The following SMC3 variants were observed in gnomAD, a reference collection of about 807,000 sequenced individuals.
SMC3 encodes structural maintenance of chromosomes 3.
In SMC3, 20 loss-of-function variants were observed where a neutral mutation model predicts 171.8. The observed-to-expected ratio is 0.12, with a 90% confidence interval of 0.08 to 0.17. The LOEUF (loss-of-function observed/expected upper bound fraction) is 0.17, where lower values mean the gene tolerates loss of function less well. SMC3 is among the 10% of genes least tolerant of loss of function. SMC3 has a pLI of 1.00. For synonymous variants in SMC3, 464 were observed against 451.1 expected, an observed-to-expected ratio of 1.03 and a Z score of -0.36; for missense variants, 543 against 1,420.4, an observed-to-expected ratio of 0.38 and a Z score of 9.93.
In SMC3 at chr10:110,581,981, T is replaced by C; in HGVS notation, c.606T>C (p.Thr202=). ...AATACATTGAAGAGAGATTACATAC[T>C]CTAGAGGAAGAAAAGGAAGAACTAG... ...LLKYIEERLH[T]LEEEKEELAQ... The change falls in exon 9 of 29, where the codon ACT becomes ACC. Residue 202 remains threonine (T), a synonymous_variant. Transcript: ENST00000361804. The C allele has an allele frequency of 6.2e-7, 1 of 1,613,524 alleles. No homozygotes were observed. The highest frequency in any genetic ancestry group is 1.1e-5 in the South Asian group (1 of 91,064).
intron 22 of SMC3, among the ~76,000 whole-genome samples, chr10:110,600,751 T>A (rs1250448837): frequency 6.6e-6 from 1 of 152,184 alleles, no homozygotes; most frequent in Non-Finnish European, 1.5e-5. Flanking sequence ...CTTGTGTGAA[T>A]TAAGCATTAT....
intron 23 of SMC3, among the ~76,000 whole-genome samples, chr10:110,601,345 C>G (rs773157184): frequency 8.5e-5 from 13 of 152,114 alleles, no homozygotes; most frequent in Non-Finnish European, 1.3e-4. Flanking sequence ...ATAAATGATT[C>G]ATTTTGTTGA....
At chr10:110,593,365 A>G in intron 18 of SMC3, 142 bp downstream of exon 18, 1 of 763,104 alleles carries the variant, frequency 1.3e-6, no homozygotes, top group East Asian at 2.8e-5. Flanking sequence ...TGAAGTCAGG[A>G]GTTCAAGACC....
chr10:110,598,333 T>C (rs761887753), intron 20 of SMC3, 43 bp downstream of exon 20: 1 of 1,562,122 alleles, frequency 6.4e-7, no homozygotes, highest in Non-Finnish European at 8.8e-7. Context: ...TGTTACAGAT[T>C]AATAATATGG....
intron 20 of SMC3, 116 bp downstream of exon 20, chr10:110,598,406 C>A: frequency 8.5e-7 from 1 of 1,181,072 alleles, no homozygotes; most frequent in Non-Finnish European, 1.2e-6. Flanking sequence ...TGTTTGGACC[C>A]ATACTTTTTT....
intron 18 of SMC3, 151 bp downstream of exon 18, chr10:110,593,374 C>T (rs1235083211): frequency 2.8e-6 from 2 of 726,428 alleles, no homozygotes; most frequent in Non-Finnish European, 4.6e-6. Flanking sequence ...GAGTTCAAGA[C>T]CAGCCTGGCT....
At chr10:110,580,180 C>T (rs1301457446) in intron 7 of SMC3, among the ~76,000 whole-genome samples, 3 of 152,016 alleles carry the variant, frequency 2.0e-5, no homozygotes, top group African/African-American at 7.2e-5. Context: ...AGGTTATATG[C>T]AAATACTATG....
At chr10:110,583,186 C>G (rs1861058361) in intron 10 of SMC3, among the ~76,000 whole-genome samples, 198 bp from the exon 11 acceptor site, 1 of 152,116 alleles carries the variant, frequency 6.6e-6, no homozygotes, top group Non-Finnish European at 1.5e-5. Flanking sequence ...GCAACCATGT[C>G]CAGCCATCGT....
Position 110,600,553 on chromosome 10 carries a change from A to ATT in SMC3, c.2535+8_2535+9insTT. ...CTTGGACCAAGTAGAACAGGTGTGT[A>ATT]TGTGTTTTTTTTTTTTTTTTTAAGG... is the stretch of plus-strand genomic sequence containing the variant. On this transcript the variant is annotated splice_region_variant and intron_variant, in intron 22 of 28. Transcript: ENST00000361804. 1 of 1,193,098 alleles carries ATT rather than the reference A, an allele frequency of 8.4e-7. No homozygotes were observed. Among genetic ancestry groups the ATT allele is most frequent in the Non-Finnish European group, 1.2e-6 (1 of 803,172 alleles). 73.9% of individuals were successfully genotyped at this position (1,193,098 alleles called of 1,614,324 possible).
intron 7 of SMC3, among the ~76,000 whole-genome samples, chr10:110,580,340 T>C (rs982449303): frequency 6.6e-6 from 1 of 152,162 alleles, no homozygotes; most frequent in African/African-American, 2.4e-5. Context: ...TTTTCCCTTA[T>C]AAAAATACTT....
intron 2 of SMC3, 86 bp downstream of exon 2, chr10:110,569,099 CAG>C: frequency 1.2e-6 from 1 of 864,188 alleles, no homozygotes; most frequent in South Asian, 1.4e-5. Context: ...CTTAAGGAGA[CAG>C]GAATTGTCTT....
intron 2 of SMC3, among the ~76,000 whole-genome samples, chr10:110,569,975 A>G (rs2134708885): frequency 6.6e-6 from 1 of 152,368 alleles, no homozygotes; most frequent in Non-Finnish European, 1.5e-5. Context: ...GTCCAAACTA[A>G]GTGGTGTATT....
At chr10:110,589,783 C>CAG in intron 14 of SMC3, 75 bp downstream of exon 14, 1 of 1,431,162 alleles carries the variant, frequency 7.0e-7, no homozygotes, top group East Asian at 2.3e-5. Context: ...CTTTAAGTTA[C>CAG]AAGTTAACCG....
rs201162818 is a variant in SMC3 at position 110,596,496 on chromosome 10, G to C, written c.2062G>C (p.Glu688Gln). Residue 688 changes from glutamate to glutamine, a missense_variant, in exon 19 of 29, where the codon GAA becomes CAA. Glu to Gln is a conservative substitution (Grantham distance 29, BLOSUM62 2). Transcript: ENST00000361804. ...AAAAGATGTTAGAAAAGCAGAAGAA[G>C]AACTAGGTGAACTTGAAGCAAAGCT... ...LQKDVRKAEE[E>Q]LGELEAKLNE... 95 of 1,614,028 alleles carry C rather than the reference G, an allele frequency of 5.9e-5. No homozygotes were observed. Among genetic ancestry groups the C allele is most frequent in the Admixed American group, 3.5e-4 (21 of 60,000 alleles).
intron 25 of SMC3, 21 bp from the exon 26 acceptor site, chr10:110,602,450 ATTT>A: frequency 6.3e-7 from 1 of 1,589,308 alleles, no homozygotes; most frequent in East Asian, 2.2e-5. Flanking sequence ...CAAAATTTAT[ATTT>A]CAATCTGCTT....
rs973470484 is a variant in SMC3, at chr10:110,598,209, A to G, written c.2187A>G (p.Lys729=). 3 of 1,614,044 alleles carry G rather than the reference A, an allele frequency of 1.9e-6. No homozygotes were observed. Among genetic ancestry groups the G allele is most frequent in the Non-Finnish European group, 2.5e-6 (3 of 1,179,940 alleles). The stretch of plus-strand genomic sequence containing the variant: ...TCGAGACCCAGCAAAGGAAATTTAA[A>G]GCATCTAGAGATAGCATATTATCAG... ...QQIETQQRKF[K]ASRDSILSEM... is the part of the protein sequence containing the mutation. The change falls in exon 20 of 29, where the codon AAA becomes AAG. Residue 729 remains lysine, a synonymous_variant. Transcript: ENST00000361804.
chr10:110,604,637 T>C lies in SMC3; in HGVS notation c.*335T>C, dbSNP rs778474364. The C allele has an allele frequency of 4.2e-5, 12 of 287,820 alleles. No individual in the cohort carries two copies. The highest frequency in any genetic ancestry group is 2.2e-4 in the South Asian group (6 of 27,646). The allele number at this position is 287,820 out of a possible 1,614,324, so 17.8% of individuals were successfully genotyped here. On this transcript the variant is annotated 3_prime_UTR_variant, in exon 29 of 29. Coordinates refer to ENST00000361804, the MANE Select transcript of SMC3 (RefSeq NM_005445.4). ...TAAATAATCGGTTTTATGACTAATA[T>C]AGTGTTTTATGTGGCTTTTCATTTG...
chr10:110,585,884 G>A (rs369674172), intron 13 of SMC3, among the ~76,000 whole-genome samples: 3 of 151,862 alleles, frequency 2.0e-5, no homozygotes, highest in East Asian at 1.9e-4. Context: ...TGCACCCTCC[G>A]CTTCCCGGGT....
Position 110,598,414 on chromosome 10 carries a change from T to G in SMC3, c.2268+124T>G, listed in dbSNP as rs997989944. ...TCATTTTTGTTTGGACCCATACTTT[T>G]TTTTTTTGAAGACAGAGTCTCTTTC... is the stretch of plus-strand genomic sequence containing the variant. On this transcript the variant is annotated intron_variant, in intron 20 of 28. Transcript: ENST00000361804. The G allele has an allele frequency of 2.2e-5, 23 of 1,069,698 alleles. No homozygotes were observed. The East Asian group carries it at 5.8e-4, about 27-fold the overall frequency. 66.3% of individuals were successfully genotyped at this position (1,069,698 alleles called of 1,614,324 possible).
Sources: allele counts gnomAD v4.1 joint callset (sites outside exome capture counted in the v4.1 genomes callset), GRCh38; gene constraint gnomAD v4.1.1; transcripts MANE v1.5; gene names NCBI Gene and HGNC (gene_info 2026-07-23, HGNC 2026-07-21).